The following ABCC1 variants were observed in gnomAD, a reference collection of about 807,000 sequenced individuals.
ABCC1 encodes multidrug resistance-associated protein 1.
A neutral mutation model predicts 172.9 loss-of-function variants in ABCC1; 83 were observed. The observed-to-expected ratio is 0.48, with a 90% CI of 0.40 to 0.58. The LOEUF is 0.58. Among genes scored for constraint, ABCC1 ranks in the 20% least tolerant of loss-of-function variants. ABCC1 has a pLI of 0.00. For missense variants in ABCC1, 1,817 were observed against 2,002.7 expected (o/e 0.91, Z 1.77); for synonymous variants, 937 against 825.2 (o/e 1.14, Z -2.32).
chr16:15,956,617 G>A (rs924770125), intron 1 of ABCC1, among the ~76,000 whole-genome samples: 16 of 152,216 alleles, frequency 1.1e-4, no homozygotes, highest in Admixed American at 7.2e-4. Flanking sequence ...GATTATAGGC[G>A]TGAGCCACTG....
At chr16:15,991,779 G>A (rs1052552661) in intron 1 of ABCC1, among the ~76,000 whole-genome samples, 1 of 152,060 alleles carries the variant, frequency 6.6e-6, no homozygotes, top group Admixed American at 6.6e-5. Context: ...CGCCGACTCT[G>A]CAGTGGCCTT....
intron 19 of ABCC1, 42 bp downstream of exon 19, chr16:16,090,630 C>T: frequency 6.6e-7 from 1 of 1,515,260 alleles, no homozygotes; most frequent in Non-Finnish European, 8.9e-7. Context: ...GGGTGTCTGG[C>T]ACCTTGAAGG....
chr16:16,125,447 G>T (rs1027170046), intron 25 of ABCC1, among the ~76,000 whole-genome samples: 2 of 151,256 alleles, frequency 1.3e-5, no homozygotes, highest in African/African-American at 4.9e-5. Flanking sequence ...ATTTTTTTTG[G>T]AGACGGAATC....
chr16:16,046,492 C>G (rs1389560947), intron 9 of ABCC1, among the ~76,000 whole-genome samples: 1 of 152,072 alleles, frequency 6.6e-6, no homozygotes, highest in African/African-American at 2.4e-5. Context: ...CTACAGGCGC[C>G]TGCCACCACG....
chr16:16,009,585 C>T (rs1281732212), intron 2 of ABCC1, among the ~76,000 whole-genome samples, 191 bp from the exon 3 acceptor site: 2 of 152,142 alleles, frequency 1.3e-5, no homozygotes, highest in African/African-American at 2.4e-5. Context: ...CATCACGTGC[C>T]GGCCTGGATG....
intron 5 of ABCC1, among the ~76,000 whole-genome samples, chr16:16,024,174 G>A (rs1245288089): frequency 1.3e-5 from 2 of 152,088 alleles, no homozygotes; most frequent in East Asian, 1.9e-4. Flanking sequence ...CGCCGAGATC[G>A]CGCCACTGTA....
chr16:16,028,508 G>T (rs1327961319), intron 5 of ABCC1, among the ~76,000 whole-genome samples: 1 of 152,086 alleles, frequency 6.6e-6, no homozygotes, highest in Non-Finnish European at 1.5e-5. Context: ...AGTGGGTAGA[G>T]GGCTTGGGCT....
intron 5 of ABCC1, among the ~76,000 whole-genome samples, chr16:16,026,471 T>TTTTC (rs2048377593): frequency 1.8e-5 from 2 of 110,240 alleles, no homozygotes; most frequent in Non-Finnish European, 3.7e-5. Context: ...TTTCCTTTTT[T>TTTTC]TTTTTTTTTT....
At chr16:16,087,517 G>A (rs548947550) in intron 18 of ABCC1, among the ~76,000 whole-genome samples, 11 of 152,254 alleles carry the variant, frequency 7.2e-5, no homozygotes, top group African/African-American at 2.4e-4. Context: ...GAGTGCAGTG[G>A]CATGATCTCA....
chr16:15,959,452 G>C (rs570547935), intron 1 of ABCC1, among the ~76,000 whole-genome samples: 1 of 152,170 alleles, frequency 6.6e-6, no homozygotes, highest in African/African-American at 2.4e-5. Flanking sequence ...TAGCCTCCCA[G>C]GTAGCTGGGA....
At chr16:16,083,970 G>A (rs1274176131) in intron 17 of ABCC1, among the ~76,000 whole-genome samples, 1 of 152,124 alleles carries the variant, frequency 6.6e-6, no homozygotes, top group African/African-American at 2.4e-5. Context: ...CATGACAGAG[G>A]GCATGCTGTT....
At chr16:15,996,297 A>G (rs748995995) in intron 1 of ABCC1, among the ~76,000 whole-genome samples, 13 of 151,866 alleles carry the variant, frequency 8.6e-5, no homozygotes, top group Non-Finnish European at 1.5e-4. Context: ...AAGTTTTTAA[A>G]TTTTTTTGTA....
chr16:16,141,504 A>C lies in ABCC1; in HGVS notation c.*223A>C. The C allele has an allele frequency of 9.1e-6, 5 of 547,456 alleles. No individual in the cohort carries two copies. Among genetic ancestry groups the C allele is most frequent in the East Asian group, 6.1e-5 (2 of 32,616 alleles). 33.9% of individuals were successfully genotyped at this position (547,456 alleles called of 1,614,324 possible). ...AGAGACAGAGATGCGAACCACCCAA[A>C]ACACGCACACCCTGCCCCTGGTGCC... On this transcript the variant is annotated 3_prime_UTR_variant, in exon 31 of 31. Coordinates refer to ENST00000399410, the MANE Select transcript of ABCC1 (RefSeq NM_004996.4).
At chr16:15,979,264 C>CTGGAGACAGAGCAAGACTCTG (rs2046563404) in intron 1 of ABCC1, among the ~76,000 whole-genome samples, 1 of 151,842 alleles carries the variant, frequency 6.6e-6, no homozygotes, top group African/African-American at 2.4e-5. Context: ...GCACTCCAGC[C>CTGGAGACAGAGCAAGACTCTG]TGGAGACAGA....
intron 19 of ABCC1, 127 bp downstream of exon 19, chr16:16,090,715 G>T (rs1203067173): frequency 5.2e-5 from 54 of 1,036,566 alleles, no homozygotes; most frequent in Non-Finnish European, 5.5e-5. Flanking sequence ...GGTGGGAGCT[G>T]GATGGAGCCC....
At chr16:15,950,801 C>G (rs1278279693) in intron 1 of ABCC1, among the ~76,000 whole-genome samples, 2 of 151,996 alleles carry the variant, frequency 1.3e-5, no homozygotes. Flanking sequence ...AGCCTTGGTT[C>G]TTAGGAGCTG....
chr16:15,999,450 T>C (rs1014012043), intron 1 of ABCC1, among the ~76,000 whole-genome samples: 1 of 151,680 alleles, frequency 6.6e-6, no homozygotes, highest in African/African-American at 2.4e-5. Flanking sequence ...ACCCCATCTC[T>C]ACTAAAAATA....
At chr16:16,120,693 G>T (rs770915168) in intron 23 of ABCC1, among the ~76,000 whole-genome samples, 1 of 152,176 alleles carries the variant, frequency 6.6e-6, no homozygotes. Context: ...GATGGGCATG[G>T]TGGGTGGAGG....
chr16:15,981,445 C>T (rs2046618199), intron 1 of ABCC1, among the ~76,000 whole-genome samples: 1 of 152,230 alleles, frequency 6.6e-6, no homozygotes, highest in Non-Finnish European at 1.5e-5. Context: ...GGTTCCCAAA[C>T]CTTGATTCTT....
Sources: allele counts gnomAD v4.1 joint callset (sites outside exome capture counted in the v4.1 genomes callset), GRCh38; gene constraint gnomAD v4.1.1; transcripts MANE v1.5; gene names NCBI Gene and HGNC (gene_info 2026-07-23, HGNC 2026-07-21).